The following HECW2 variants were observed in gnomAD, a reference collection of about 807,000 sequenced individuals.
HECW2 encodes E3 ubiquitin-protein ligase HECW2.
HECW2 carries 61 observed loss-of-function variants against 175.2 expected under a neutral mutation model. The ratio of observed to expected loss-of-function variants is 0.35; its 90% CI spans 0.28 to 0.43. The LOEUF (loss-of-function observed/expected upper bound fraction) is 0.43, where lower values mean the gene tolerates loss of function less well. Ranked by LOEUF, HECW2 falls within the 20% of genes least tolerant of loss-of-function variation. HECW2 has a pLI of 1.00. For synonymous variants in HECW2, 671 were observed against 731.0 expected, an observed-to-expected ratio of 0.92 and a Z score of 1.32; for missense variants, 1,524 against 2,000.5, an observed-to-expected ratio of 0.76 and a Z score of 4.54.
chr2:196,402,402 T>C (rs1476172334), intron 2 of HECW2, among the ~76,000 whole-genome samples: 2 of 152,138 alleles, frequency 1.3e-5, no homozygotes, highest in African/African-American at 4.8e-5. Flanking sequence ...AACTTTGAAA[T>C]AGTTGTCTAA....
intron 13 of HECW2, among the ~76,000 whole-genome samples, chr2:196,296,639 G>A (rs1194241565): frequency 6.6e-6 from 1 of 152,214 alleles, no homozygotes; most frequent in Admixed American, 6.5e-5. Flanking sequence ...ATACAGAGAT[G>A]AGCAAGGCCT....
rs1448344006 is a variant in HECW2 at position 196,194,741 on chromosome 2, C to G, written c.*6536G>C. The stretch of plus-strand genomic sequence containing the variant: ...ACAGCAAGCATCTCCCATTATTATT[C>G]TCCATCAAAAGTCACATTAAATAAA... On this transcript the variant is annotated 3_prime_UTR_variant, in exon 29 of 29. Transcript: ENST00000644978. 1 of 152,060 alleles carries G rather than the reference C, an allele frequency of 6.6e-6. No individual in the cohort carries two copies. Among genetic ancestry groups the G allele is most frequent in the African/African-American group, 2.4e-5 (1 of 41,388 alleles). The allele number at this position is 152,060 out of a possible 1,614,324, so 9.4% of individuals were successfully genotyped here.
chr2:196,436,776 TC>T (rs1575540842), intron 1 of HECW2, among the ~76,000 whole-genome samples: 1 of 152,114 alleles, frequency 6.6e-6, no homozygotes, highest in East Asian at 1.9e-4. Flanking sequence ...TTCTTTCTTT[TC>T]TTTTCCTAAC....
In HECW2 at chr2:196,337,843, C is replaced by T. The variant is rs1029165141; in HGVS notation, c.401-3325G>A. Among the ~76,000 whole-genome samples the T allele has an allele frequency of 4.6e-5, 7 of 152,154 alleles. No homozygotes were observed. The East Asian group carries it at 5.8e-4, about 13-fold the overall frequency. ...CAGGAGGAAGAGAACAGAGGATGAGCGGCATCTGCTCTCTGAGGTCCCTTC... is the reference window on the plus strand; with the variant it reads ...CAGGAGGAAGAGAACAGAGGATGAGTGGCATCTGCTCTCTGAGGTCCCTTC... On this transcript the variant is annotated intron_variant, in intron 3 of 28. Coordinates refer to ENST00000644978, the MANE Select transcript of HECW2 (RefSeq NM_001348768.2).
At chr2:196,484,049 T>C (rs1686925051) in intron 1 of HECW2, among the ~76,000 whole-genome samples, 1 of 152,146 alleles carries the variant, frequency 6.6e-6, no homozygotes, top group African/African-American at 2.4e-5. Flanking sequence ...ATTGGAAGTA[T>C]CTCTTCTGAG....
chr2:196,271,010 T>C (rs547111604), intron 17 of HECW2, among the ~76,000 whole-genome samples, 183 bp downstream of exon 17: 1 of 152,248 alleles, frequency 6.6e-6, no homozygotes, highest in East Asian at 1.9e-4. Flanking sequence ...ATTCAACTTT[T>C]ATACTTAATA....
At chr2:196,280,776 A>G (rs1690155375) in intron 14 of HECW2, among the ~76,000 whole-genome samples, 1 of 152,196 alleles carries the variant, frequency 6.6e-6, no homozygotes, top group Non-Finnish European at 1.5e-5. Context: ...ACAATTGTCC[A>G]CTATTTCTGC....
chr2:196,511,639 AC>A (rs954106570), intron 1 of HECW2, among the ~76,000 whole-genome samples: 1 of 152,270 alleles, frequency 6.6e-6, no homozygotes, highest in African/African-American at 2.4e-5. Context: ...TATTAAAGAA[AC>A]AAAAAGTGCT....
At chr2:196,299,607 T>C (rs536748846) in intron 13 of HECW2, among the ~76,000 whole-genome samples, 6 of 152,284 alleles carry the variant, frequency 3.9e-5, no homozygotes, top group Admixed American at 3.3e-4. Flanking sequence ...GAATATGCAT[T>C]TTATTTTTTA....
intron 2 of HECW2, among the ~76,000 whole-genome samples, chr2:196,394,364 G>C (rs1486803634): frequency 2.6e-5 from 4 of 152,136 alleles, no homozygotes; most frequent in Non-Finnish European, 5.9e-5. Context: ...TGTAAAGATA[G>C]ACCAGAATTT....
At chr2:196,589,350 ACAATT>A in intron 1 of HECW2, among the ~76,000 whole-genome samples, 1 of 152,352 alleles carries the variant, frequency 6.6e-6, no homozygotes, top group East Asian at 1.9e-4. Flanking sequence ...TTACAAACAC[ACAATT>A]CTTTGGTAAA....
intron 10 of HECW2, 144 bp downstream of exon 10, chr2:196,317,130 T>C: frequency 1.6e-6 from 1 of 644,688 alleles, no homozygotes; most frequent in African/African-American, 1.8e-5. Context: ...CGTCCCGGAC[T>C]ACACCTGCTA....
chr2:196,307,327 A>G (rs1237188032), intron 11 of HECW2, 94 bp from the exon 12 acceptor site: 7 of 760,576 alleles, frequency 9.2e-6, no homozygotes, highest in East Asian at 8.2e-5. Flanking sequence ...CTATCTTCTC[A>G]GCTTCAACTA....
chr2:196,519,299 C>T (rs571589983), intron 1 of HECW2, among the ~76,000 whole-genome samples: 3 of 152,168 alleles, frequency 2.0e-5, no homozygotes, highest in African/African-American at 7.2e-5. Context: ...TTCATAGATT[C>T]ACCAGAAGAG....
At chr2:196,244,583 A>C (rs2105890996) in intron 19 of HECW2, among the ~76,000 whole-genome samples, 1 of 152,334 alleles carries the variant, frequency 6.6e-6, no homozygotes, top group South Asian at 2.1e-4. Context: ...GCATTTGTTA[A>C]GATCAGTGTT....
intron 5 of HECW2, among the ~76,000 whole-genome samples, chr2:196,327,286 A>T (rs550900579): frequency 3.3e-5 from 5 of 152,336 alleles, no homozygotes; most frequent in Admixed American, 6.5e-5. Flanking sequence ...TGTACAAATA[A>T]ATCTTCCTTA....
chr2:196,368,703 T>A, intron 2 of HECW2, among the ~76,000 whole-genome samples: 1 of 152,112 alleles, frequency 6.6e-6, no homozygotes, highest in East Asian at 1.9e-4. Flanking sequence ...TGTTTTCAAA[T>A]AGCCTGTCTT....
intron 1 of HECW2, among the ~76,000 whole-genome samples, chr2:196,538,905 C>T (rs776957503): frequency 7.2e-5 from 11 of 152,096 alleles, no homozygotes; most frequent in East Asian, 1.9e-4. Context: ...GCAGTTTCCT[C>T]GGAGCTCAGG....
intron 2 of HECW2, among the ~76,000 whole-genome samples, chr2:196,399,200 G>A (rs987525381): frequency 6.6e-6 from 1 of 152,204 alleles, no homozygotes; most frequent in African/African-American, 2.4e-5. Flanking sequence ...CATTAGAAGT[G>A]TGGAGCATAC....
Sources: allele counts gnomAD v4.1 joint callset (sites outside exome capture counted in the v4.1 genomes callset), GRCh38; gene constraint gnomAD v4.1.1; transcripts MANE v1.5; gene names NCBI Gene and HGNC (gene_info 2026-07-23, HGNC 2026-07-21).